MRPS28: variants seen among roughly 807,000 people sequenced by gnomAD.
MRPS28 encodes the protein mitochondrial ribosomal protein S28.
MRPS28 carries 7 observed loss-of-function variants against 10.8 expected under a neutral mutation model. The ratio of observed to expected loss-of-function variants is 0.65; its 90% confidence interval spans 0.37 to 1.22. MRPS28 has a LOEUF of 1.22. Ranked by LOEUF, MRPS28 falls within the 50% of genes most tolerant of loss-of-function variation. The pLI is 0.02. For synonymous variants in MRPS28, 121 were observed against 93.3 expected (o/e 1.30, Z -1.71); for missense variants, 265 against 232.9 (o/e 1.14, Z -0.90).
chr8:79,938,562 G>C (rs1806672164), intron 2 of MRPS28, among the ~76,000 whole-genome samples: 1 of 151,944 alleles, frequency 6.6e-6, no homozygotes, highest in Non-Finnish European at 1.5e-5. Flanking sequence ...TTTTGGTAGG[G>C]AATGCCACCA....
Position 80,030,026 on chromosome 8 carries a change from CGGGCTCCACCTTCTGTAG to C in MRPS28, c.205_213+9del. 11 of 1,609,878 alleles carry C rather than the reference CGGGCTCCACCTTCTGTAG, an allele frequency of 6.8e-6. No homozygotes were observed. Among genetic ancestry groups the C allele is most frequent in the East Asian group, 6.7e-5 (3 of 44,792 alleles). ...TTCCCGCGACTCCCTCTCACCCGCC[CGGGCTCCACCTTCTGTAG>C]GGGCTCCACCTTCTGTAGAAGCTCC... On this transcript the variant is annotated splice_donor_variant and splice_donor_5th_base_variant and coding_sequence_variant and intron_variant, in exon 1 of 3. Coordinates refer to ENST00000276585, the MANE Select transcript of MRPS28 (RefSeq NM_014018.3). LOFTEE classifies it high-confidence loss of function.
intron 2 of MRPS28, among the ~76,000 whole-genome samples, chr8:79,921,953 T>C (rs1367821537): frequency 6.6e-6 from 1 of 152,184 alleles, no homozygotes; most frequent in Admixed American, 6.6e-5. Flanking sequence ...TTGAGATACG[T>C]CCCATCAATA....
At chr8:80,000,432 A>C (rs1808630596) in intron 2 of MRPS28, among the ~76,000 whole-genome samples, 1 of 152,146 alleles carries the variant, frequency 6.6e-6, no homozygotes, top group African/African-American at 2.4e-5. Context: ...GACTGCTCCA[A>C]AGACTAGAGA....
intron 1 of MRPS28, among the ~76,000 whole-genome samples, chr8:80,006,360 C>A (rs1390909305): frequency 6.6e-6 from 1 of 152,170 alleles, no homozygotes; most frequent in Non-Finnish European, 1.5e-5. Flanking sequence ...GGAAACTGAA[C>A]AACCTGCTCC....
chr8:79,923,380 C>T (rs987408109), intron 2 of MRPS28, among the ~76,000 whole-genome samples: 1 of 152,010 alleles, frequency 6.6e-6, no homozygotes, highest in Non-Finnish European at 1.5e-5. Flanking sequence ...ATTTATCACT[C>T]CATAGAGTCT....
chr8:79,941,115 G>A (rs1806755578), intron 2 of MRPS28, among the ~76,000 whole-genome samples: 2 of 151,980 alleles, frequency 1.3e-5, no homozygotes, highest in African/African-American at 4.8e-5. Context: ...GCAAGACCAT[G>A]TCTCTATACA....
chr8:79,947,091 C>T (rs542809572), intron 2 of MRPS28, among the ~76,000 whole-genome samples: 1 of 152,228 alleles, frequency 6.6e-6, no homozygotes, highest in East Asian at 1.9e-4. Context: ...AGTAAGGTGA[C>T]TGGATACAAA....
chr8:80,001,875 C>G lies in MRPS28; in HGVS notation c.395+1124G>C, dbSNP rs76531045. Among the ~76,000 whole-genome samples the G allele has an allele frequency of 3.4e-3, 519 of 152,220 alleles. 1 individual carries two copies. Among genetic ancestry groups the G allele is most frequent in the African/African-American group, 0.012 (479 of 41,550 alleles). ...GAGAAGCACTGTGCACACATCTTCCCAACTCTGCATTCGGTGACATCATGT... is the reference window on the plus strand; with the variant it reads ...GAGAAGCACTGTGCACACATCTTCCGAACTCTGCATTCGGTGACATCATGT... On this transcript the variant is annotated intron_variant, in intron 2 of 2. Transcript: ENST00000276585.
chr8:79,952,748 C>T (rs1221089795), intron 2 of MRPS28, among the ~76,000 whole-genome samples: 1 of 152,158 alleles, frequency 6.6e-6, no homozygotes, highest in African/African-American at 2.4e-5. Flanking sequence ...GACTGGGCCT[C>T]TCTTGAGAGC....
At chr8:79,976,801 C>T (rs1211671322) in intron 2 of MRPS28, among the ~76,000 whole-genome samples, 1 of 152,020 alleles carries the variant, frequency 6.6e-6, no homozygotes, top group Non-Finnish European at 1.5e-5. Flanking sequence ...TTGCAATCAG[C>T]TTAAATTACT....
intron 1 of MRPS28, among the ~76,000 whole-genome samples, chr8:80,026,720 T>C (rs1339184169): frequency 6.6e-6 from 1 of 152,222 alleles, no homozygotes; most frequent in Admixed American, 6.5e-5. Context: ...ATATTAGTGA[T>C]GACGAATGTC....
chr8:80,007,668 C>G (rs191842799), intron 1 of MRPS28, among the ~76,000 whole-genome samples: 1 of 152,112 alleles, frequency 6.6e-6, no homozygotes, highest in Non-Finnish European at 1.5e-5. Flanking sequence ...AACTCCCATT[C>G]ACAATTGCTT....
At chr8:79,949,718 G>A (rs1807033268) in intron 2 of MRPS28, among the ~76,000 whole-genome samples, 1 of 151,950 alleles carries the variant, frequency 6.6e-6, no homozygotes, top group Non-Finnish European at 1.5e-5. Context: ...ACTTTTTTTA[G>A]ATGTCAATTT....
At chr8:79,982,616 T>G (rs565500858) in intron 2 of MRPS28, among the ~76,000 whole-genome samples, 2 of 152,196 alleles carry the variant, frequency 1.3e-5, no homozygotes, top group African/African-American at 4.8e-5. Flanking sequence ...GATTATATCC[T>G]GCACCTGGCT....
At chr8:79,945,620 G>C (rs1377313748) in intron 2 of MRPS28, among the ~76,000 whole-genome samples, 1 of 152,082 alleles carries the variant, frequency 6.6e-6, no homozygotes, top group Non-Finnish European at 1.5e-5. Context: ...ATTTAAAATG[G>C]CAGAAATGGT....
intron 2 of MRPS28, among the ~76,000 whole-genome samples, chr8:79,950,098 C>T (rs1390685827): frequency 6.6e-6 from 1 of 152,082 alleles, no homozygotes; most frequent in Non-Finnish European, 1.5e-5. Context: ...AGCTTCCCCC[C>T]TAGTTTCTAG....
intron 2 of MRPS28, among the ~76,000 whole-genome samples, chr8:79,967,870 T>A (rs889449525): frequency 6.6e-6 from 1 of 152,144 alleles, no homozygotes; most frequent in African/African-American, 2.4e-5. Flanking sequence ...ATGCTATTAG[T>A]ATATGTATAT....
intron 2 of MRPS28, among the ~76,000 whole-genome samples, chr8:79,951,438 C>A (rs771028548): frequency 6.6e-6 from 1 of 152,164 alleles, no homozygotes; most frequent in South Asian, 2.1e-4. Context: ...TCCTGGCACA[C>A]AGGCAGCAAT....
At chr8:80,025,838 A>G (rs1809481718) in intron 1 of MRPS28, among the ~76,000 whole-genome samples, 1 of 152,198 alleles carries the variant, frequency 6.6e-6, no homozygotes, top group African/African-American at 2.4e-5. Flanking sequence ...TTAAACCAAG[A>G]TTGCATGACT....
Sources: gnomAD v4.1 joint callset for allele counts (sites outside exome capture counted in the v4.1 genomes callset) on GRCh38, gnomAD v4.1.1 for gene constraint, MANE v1.5 for transcripts, NCBI Gene and HGNC (gene_info 2026-07-23, HGNC 2026-07-21) for gene names.